The following CEMIP2 variants were observed in gnomAD, a reference collection of about 807,000 sequenced individuals.
The protein encoded by CEMIP2 is cell migration inducing hyaluronidase 2, also known as cell surface hyaluronidase CEMIP2.
A neutral mutation model predicts 146.9 loss-of-function variants in CEMIP2; 79 were observed. The ratio of observed to expected loss-of-function variants is 0.54; its 90% CI spans 0.45 to 0.65. The LOEUF is 0.65. Ranked by LOEUF, CEMIP2 falls within the 30% of genes least tolerant of loss-of-function variation. CEMIP2 has a pLI of 0.00. For missense variants in CEMIP2, 1,596 were observed against 1,696.2 expected (o/e 0.94, Z 1.04); for synonymous variants, 601 against 606.3 (o/e 0.99, Z 0.13).
At chr9:71,701,792 C>A (rs1822569671) in intron 18 of CEMIP2, among the ~76,000 whole-genome samples, 1 of 151,686 alleles carries the variant, frequency 6.6e-6, no homozygotes, top group Non-Finnish European at 1.5e-5. Context: ...TCTTTTTTGA[C>A]CTTTTTATTA....
At chr9:71,700,184 G>A (rs1470579800) in intron 19 of CEMIP2, among the ~76,000 whole-genome samples, 1 of 152,168 alleles carries the variant, frequency 6.6e-6, no homozygotes, top group Non-Finnish European at 1.5e-5. Context: ...AAAGTGGAAA[G>A]ATGCAGCCTA....
intron 12 of CEMIP2, among the ~76,000 whole-genome samples, chr9:71,720,601 T>C (rs565015975): frequency 1.2e-4 from 18 of 152,350 alleles, no homozygotes; most frequent in African/African-American, 4.1e-4. Context: ...CCTGATTAAC[T>C]GTTCAGTCAG....
In CEMIP2 at chr9:71,728,319, G is replaced by GTA. The variant is rs371027741; in HGVS notation, c.2049+1524_2049+1525dup. Among the ~76,000 whole-genome samples the GTA allele has an allele frequency of 6.1e-3, 202 of 32,970 alleles. 29 individuals are homozygous for GTA. Among genetic ancestry groups the GTA allele is most frequent in the African/African-American group, 0.028 (176 of 6,394 alleles). 21.6% of individuals were successfully genotyped at this position (32,970 alleles called of 152,430 possible). A position where few individuals can be genotyped will look rare whatever the true frequency, so the allele number is the denominator to read the frequency against. On this transcript the variant is annotated intron_variant, in intron 10 of 23. Coordinates refer to ENST00000377044, the MANE Select transcript of CEMIP2 (RefSeq NM_013390.3). ...TATATATACATATATATATATATAC[G>GTA]TATATATATATATCTCAGCAGGTAT...
chr9:71,718,637 C>T (rs556802665), intron 12 of CEMIP2, among the ~76,000 whole-genome samples: 6 of 151,922 alleles, frequency 3.9e-5, no homozygotes, highest in South Asian at 2.1e-4. Flanking sequence ...AGTGCAGTGG[C>T]GCAATCTTGG....
chr9:71,709,452 C>A lies in CEMIP2; in HGVS notation c.2792G>T (p.Gly931Val). ...ATCTTCAAACCAGGGACCAGGCTTT[C>A]CAAAAAAGACATTCAGAGAGACCTG... ...GPHVSLNVFF[G>V]KPGPWFEDCE... Residue 931 changes from glycine (G) to valine (V), a missense_variant, in exon 17 of 24, where the codon GGA (glycine) becomes GTA (valine). Gly to Val is a moderately radical substitution (Grantham distance 109, BLOSUM62 -3). Transcript: ENST00000377044. The A allele has an allele frequency of 6.2e-7, 1 of 1,614,008 alleles. No homozygotes were observed. The highest frequency in any genetic ancestry group is 8.5e-7 in the Non-Finnish European group (1 of 1,179,980).
intron 1 of CEMIP2, among the ~76,000 whole-genome samples, chr9:71,766,592 A>T (rs1184054942): frequency 2.0e-5 from 3 of 152,216 alleles, no homozygotes; most frequent in Non-Finnish European, 4.4e-5. Context: ...TCCTGTTATG[A>T]ATCTGACATT....
intron 1 of CEMIP2, among the ~76,000 whole-genome samples, chr9:71,766,834 CA>C (rs1824812379): frequency 6.6e-6 from 1 of 152,170 alleles, no homozygotes; most frequent in Non-Finnish European, 1.5e-5. Flanking sequence ...ACACATACAT[CA>C]GAAAAAAACA....
chr9:71,707,333 T>C (rs890977419), intron 17 of CEMIP2, among the ~76,000 whole-genome samples: 1 of 110,060 alleles, frequency 9.1e-6, no homozygotes, highest in Admixed American at 9.4e-5. Context: ...AAGTATTACT[T>C]TTTTTTTTTA....
At chr9:71,760,811 A>C (rs909358152) in intron 1 of CEMIP2, among the ~76,000 whole-genome samples, 3 of 152,228 alleles carry the variant, frequency 2.0e-5, no homozygotes, top group African/African-American at 7.2e-5. Flanking sequence ...CTGCAGAGAG[A>C]TAGATTGTTC....
At chr9:71,708,805 A>G (rs1822826258) in intron 17 of CEMIP2, among the ~76,000 whole-genome samples, 1 of 152,180 alleles carries the variant, frequency 6.6e-6, no homozygotes, top group Admixed American at 6.5e-5. Context: ...GTCCCCGGGA[A>G]CATCTCACTT....
intron 1 of CEMIP2, among the ~76,000 whole-genome samples, chr9:71,762,489 G>C (rs13293843): frequency 0.31 from 32,274 of 103,558 alleles, 4,137 homozygotes; most frequent in South Asian, 0.43. Context: ...AAGACCCCAT[G>C]CCAGCCCCGT....
intron 6 of CEMIP2, 32 bp downstream of exon 6, chr9:71,734,774 T>C (rs775475668): frequency 6.5e-7 from 1 of 1,535,560 alleles, no homozygotes; most frequent in Non-Finnish European, 8.8e-7. Flanking sequence ...AAATAGTGTG[T>C]TTCCCAAGAA....
chr9:71,685,412 A>G lies in CEMIP2; in HGVS notation c.3956-19T>C. On this transcript the variant is annotated intron_variant, in intron 23 of 23. Coordinates refer to ENST00000377044, the MANE Select transcript of CEMIP2 (RefSeq NM_013390.3). ...GTACTCCCTAAAAAAAAAAAAAAAA[A>G]AGAAAAAGAAAAAAAATCAATTTTT... The G allele has an allele frequency of 6.9e-7, 1 of 1,456,282 alleles. No homozygotes were observed. 90.2% of individuals were successfully genotyped at this position (1,456,282 alleles called of 1,614,324 possible). A position where few individuals can be genotyped will look rare whatever the true frequency, so the allele number is the denominator to read the frequency against.
At chr9:71,733,610 C>T (rs1823681870) in intron 6 of CEMIP2, among the ~76,000 whole-genome samples, 1 of 152,124 alleles carries the variant, frequency 6.6e-6, no homozygotes, top group Non-Finnish European at 1.5e-5. Context: ...CTCTAAATTA[C>T]TGAAAAACTA....
chr9:71,756,560 C>T (rs1417540274), intron 1 of CEMIP2, among the ~76,000 whole-genome samples: 1 of 148,566 alleles, frequency 6.7e-6, no homozygotes, highest in African/African-American at 2.5e-5. Flanking sequence ...GAAAGAGAGA[C>T]AGAGAGAGAG....
intron 1 of CEMIP2, among the ~76,000 whole-genome samples, chr9:71,765,639 A>G (rs1280176206): frequency 2.0e-5 from 3 of 151,948 alleles, no homozygotes; most frequent in South Asian, 2.1e-4. Context: ...CCCACCCCCA[A>G]CTGTTCCTTC....
In CEMIP2 at chr9:71,718,047, T is replaced by C. The variant is rs1438974525; in HGVS notation, c.2300A>G (p.Lys767Arg). Residue 767 changes from lysine (K) to arginine (R), a missense_variant, in exon 13 of 24, where the codon AAA (lysine) becomes AGA (arginine). Coordinates refer to ENST00000377044, the MANE Select transcript of CEMIP2 (RefSeq NM_013390.3). ...FRPHQDANPEKPRVAALIDRL... is the reference protein window; with the variant it reads ...FRPHQDANPERPRVAALIDRL... ...GTCAATTAGAGCAGCAACACGTGGT[T>C]TTTCGGGGTTTGCATCCTGATGAGG... 6.2e-7 allele frequency: 1 copy of C among 1,612,770 alleles called. No homozygotes were observed. The highest frequency in any genetic ancestry group is 8.5e-7 in the Non-Finnish European group (1 of 1,179,286).
In CEMIP2 at chr9:71,756,472, C is replaced by CCT. The variant is rs67234507; in HGVS notation, c.-12-6089_-12-6088dup. ...CAAAGAATCTCTTCAACTACAGATT[C>CCT]CTCTCTCTCTCTCTCTCTCTCTCTC... On this transcript the variant is annotated intron_variant, in intron 1 of 23. Coordinates refer to ENST00000377044, the MANE Select transcript of CEMIP2 (RefSeq NM_013390.3). Among the ~76,000 whole-genome samples, 728 of 130,032 alleles carry CCT rather than the reference C, an allele frequency of 5.6e-3. 6 individuals are homozygous for CCT. The highest frequency in any genetic ancestry group is 0.012 in the African/African-American group (430 of 34,954). The allele number at this position is 130,032 out of a possible 152,430, so 85.3% of individuals were successfully genotyped here.
Position 71,745,113 on chromosome 9 carries a change from A to G in CEMIP2, c.939T>C (p.Ala313=). The part of the protein sequence containing the change: ...FQDPGRIVAI[A]VGDSAAKSLL... ...GACTTTTAGCGGCTGAATCCCCGAC[A>G]GCTATGGCAACAATCCGACCTGGAT... The change falls in exon 4 of 24, where the codon GCT becomes GCC. Residue 313 remains alanine (A), a synonymous_variant. Coordinates refer to ENST00000377044, the MANE Select transcript of CEMIP2 (RefSeq NM_013390.3). 1 of 1,614,148 alleles carries G rather than the reference A, an allele frequency of 6.2e-7. No homozygotes were observed. Among genetic ancestry groups the G allele is most frequent in the Non-Finnish European group, 8.5e-7 (1 of 1,179,996 alleles).
Sources: gnomAD v4.1 joint callset for allele counts (sites outside exome capture counted in the v4.1 genomes callset) on GRCh38, gnomAD v4.1.1 for gene constraint, MANE v1.5 for transcripts, NCBI Gene and HGNC (gene_info 2026-07-23, HGNC 2026-07-21) for gene names.